AMPH: variants seen among roughly 807,000 people sequenced by gnomAD.
The protein encoded by AMPH is amphiphysin.
Under a neutral mutation model 99.1 loss-of-function variants are expected in AMPH, and 49 were observed. The ratio of observed to expected loss-of-function variants is 0.49; its 90% CI spans 0.39 to 0.63. The LOEUF (loss-of-function observed/expected upper bound fraction) is 0.63, where lower values mean the gene tolerates loss of function less well. Ranked by LOEUF, AMPH falls within the 20% of genes least tolerant of loss-of-function variation. AMPH has a pLI of 0.00. For synonymous variants in AMPH, 314 were observed against 317.3 expected (o/e 0.99, Z 0.11); for missense variants, 759 against 863.4 (o/e 0.88, Z 1.52).
chr7:38,406,112 G>A (rs894151009), intron 17 of AMPH, among the ~76,000 whole-genome samples: 1 of 151,980 alleles, frequency 6.6e-6, no homozygotes, highest in African/African-American at 2.4e-5. Flanking sequence ...ACTTGCTCCT[G>A]AATAACTTTT....
chr7:38,570,994 AT>A (rs369454616), intron 1 of AMPH, among the ~76,000 whole-genome samples: 1 of 52,828 alleles, frequency 1.9e-5, no homozygotes, highest in African/African-American at 1.1e-4. Flanking sequence ...CAATATATAT[AT>A]ATTCATATAT....
intron 1 of AMPH, among the ~76,000 whole-genome samples, chr7:38,592,125 T>C (rs960559512): frequency 7.2e-5 from 11 of 152,238 alleles, no homozygotes; most frequent in Non-Finnish European, 1.6e-4. Context: ...CTCTGGCTAG[T>C]TATCTGCAGC....
intron 10 of AMPH, 82 bp from the exon 11 acceptor site, chr7:38,461,493 A>G (rs1264156191): frequency 2.6e-6 from 4 of 1,547,464 alleles, no homozygotes; most frequent in Middle Eastern, 1.7e-4. Flanking sequence ...ACAGAGCTAC[A>G]TGGACAGATT....
chr7:38,590,486 A>C (rs962977632), intron 1 of AMPH, among the ~76,000 whole-genome samples: 11 of 152,326 alleles, frequency 7.2e-5, no homozygotes, highest in Admixed American at 7.2e-4. Context: ...GAGTGAAAAC[A>C]GAGCTCCCAT....
chr7:38,465,697 C>T (rs1333572694), intron 8 of AMPH, 148 bp from the exon 9 acceptor site: 13 of 662,294 alleles, frequency 2.0e-5, no homozygotes, highest in African/African-American at 9.2e-5. Flanking sequence ...ATTCTGTATA[C>T]GGTTCAAATT....
intron 10 of AMPH, among the ~76,000 whole-genome samples, chr7:38,462,658 A>G (rs1447736271): frequency 6.6e-6 from 1 of 152,218 alleles, no homozygotes. Flanking sequence ...ATGCAGAGGT[A>G]GGATTTAAAT....
intron 17 of AMPH, among the ~76,000 whole-genome samples, chr7:38,411,231 T>C (rs1785208233): frequency 6.6e-6 from 1 of 152,174 alleles, no homozygotes; most frequent in Non-Finnish European, 1.5e-5. Context: ...AGAGAATGCA[T>C]GACAATGCTA....
chr7:38,498,045 T>C (rs1056798185), intron 3 of AMPH, among the ~76,000 whole-genome samples: 5 of 152,048 alleles, frequency 3.3e-5, no homozygotes, highest in African/African-American at 9.6e-5. Flanking sequence ...GATGTCTTAC[T>C]AATACCTCAA....
At position 38,631,354 on chromosome 7, in the gene AMPH, C is replaced by G; in HGVS notation, c.-3G>C. The G allele has an allele frequency of 6.5e-7, 1 of 1,549,208 alleles. No homozygotes were observed. The highest frequency in any genetic ancestry group is 8.7e-7 in the Non-Finnish European group (1 of 1,148,910). ...ATGCCCGTCTTGATGTCGGCCATGG[C>G]TGCGGGTCCGGGGAGCTGCGAAGAG... On this transcript the variant is annotated 5_prime_UTR_variant, in exon 1 of 21. Coordinates refer to ENST00000356264, the MANE Select transcript of AMPH (RefSeq NM_001635.4).
intron 2 of AMPH, among the ~76,000 whole-genome samples, chr7:38,525,703 A>G (rs1339492296): frequency 6.6e-6 from 1 of 152,106 alleles, no homozygotes; most frequent in Non-Finnish European, 1.5e-5. Context: ...CACAGTATAA[A>G]ACCTTTTAGA....
chr7:38,402,502 T>A (rs1784867680), intron 17 of AMPH, among the ~76,000 whole-genome samples: 1 of 152,254 alleles, frequency 6.6e-6, no homozygotes, highest in South Asian at 2.1e-4. Flanking sequence ...TGTTCCATTT[T>A]ACTCGCTATC....
At position 38,559,173 on chromosome 7, in the gene AMPH, C is replaced by T. The variant is rs114920967; in HGVS notation, c.70-24162G>A. On this transcript the variant is annotated intron_variant, in intron 1 of 20. Transcript: ENST00000356264. ...TGCCAGCTGCCAGCATTTTGTAACA[C>T]GGCCTGTGGGCAAACCCAGCAGGCC... Among the ~76,000 whole-genome samples the T allele has an allele frequency of 6.1e-3, 933 of 152,328 alleles. 8 individuals are homozygous for T. The highest frequency in any genetic ancestry group is 0.021 in the African/African-American group (873 of 41,570).
intron 1 of AMPH, among the ~76,000 whole-genome samples, chr7:38,543,136 G>A (rs1431870155): frequency 6.7e-6 from 1 of 150,230 alleles, no homozygotes; most frequent in Non-Finnish European, 1.5e-5. Context: ...ATGTGCTTGT[G>A]GTCTCAGCTA....
chr7:38,543,083 G>T (rs1246969613), intron 1 of AMPH, among the ~76,000 whole-genome samples: 1 of 134,792 alleles, frequency 7.4e-6, no homozygotes, highest in Non-Finnish European at 1.6e-5. Flanking sequence ...GACAGAGCAA[G>T]ACCCTGTCCC....
intron 2 of AMPH, among the ~76,000 whole-genome samples, chr7:38,514,527 G>A (rs1229613474): frequency 6.6e-6 from 1 of 152,216 alleles, no homozygotes; most frequent in Non-Finnish European, 1.5e-5. Flanking sequence ...CGTTGTAACA[G>A]TGTTGAGAGG....
At chr7:38,574,579 C>T (rs1269233876) in intron 1 of AMPH, among the ~76,000 whole-genome samples, 2 of 152,022 alleles carry the variant, frequency 1.3e-5, no homozygotes, top group Non-Finnish European at 1.5e-5. Flanking sequence ...AACGGGTGGC[C>T]TGAAAAATGT....
chr7:38,452,893 C>A (rs796928922), intron 11 of AMPH, among the ~76,000 whole-genome samples: 1 of 152,194 alleles, frequency 6.6e-6, no homozygotes. Flanking sequence ...TACAGAGGAA[C>A]AAGCCACTGA....
intron 1 of AMPH, among the ~76,000 whole-genome samples, chr7:38,555,249 TAA>T (rs35861878): frequency 0.26 from 37,730 of 145,040 alleles, 4,719 homozygotes; most frequent in South Asian, 0.28. Flanking sequence ...TAACACAATT[TAA>T]AAAAAAAAAA....
chr7:38,405,236 T>C (rs1205444734), intron 17 of AMPH, among the ~76,000 whole-genome samples: 6 of 152,300 alleles, frequency 3.9e-5, no homozygotes, highest in Non-Finnish European at 5.9e-5. Flanking sequence ...AGGGGAAGGA[T>C]GATACCACCA....
Sources: allele counts gnomAD v4.1 joint callset (sites outside exome capture counted in the v4.1 genomes callset), GRCh38; gene constraint gnomAD v4.1.1; transcripts MANE v1.5; gene names NCBI Gene and HGNC (gene_info 2026-07-23, HGNC 2026-07-21).